The following ANKRD11 variants were observed in gnomAD, a reference collection of about 807,000 sequenced individuals.
The protein encoded by ANKRD11 is ankyrin repeat domain 11, also known as ankyrin repeat domain-containing protein 11.
In ANKRD11, 17 loss-of-function variants were observed where a neutral mutation model predicts 195.7. The observed-to-expected ratio is 0.09, with a 90% CI of 0.06 to 0.13. The LOEUF (loss-of-function observed/expected upper bound fraction) is 0.13, where lower values mean the gene tolerates loss of function less well. Ranked by LOEUF, ANKRD11 falls within the 10% of genes least tolerant of loss-of-function variation. The probability of loss-of-function intolerance (pLI) is 1.00; values close to 1 mark genes in which losing one functional copy is unlikely to be tolerated. For missense variants in ANKRD11, 3,735 were observed against 3,566.1 expected (o/e 1.05, Z -1.21); for synonymous variants, 1,953 against 1,528.1 (o/e 1.28, Z -6.49).
chr16:89,403,210 C>G (rs113984895), intron 2 of ANKRD11, among the ~76,000 whole-genome samples: 2 of 152,324 alleles, frequency 1.3e-5, no homozygotes, highest in African/African-American at 4.8e-5. Context: ...CTGATCCGCT[C>G]CCTCTCTTCT....
chr16:89,336,505 T>A (rs539805742), intron 2 of ANKRD11, among the ~76,000 whole-genome samples: 6 of 152,314 alleles, frequency 3.9e-5, no homozygotes, highest in Non-Finnish European at 7.4e-5. Context: ...TAGCAGGACA[T>A]TGCCCAGATT....
chr16:89,305,357 G>C lies in ANKRD11; in HGVS notation c.88-13C>G, dbSNP rs750091145. 1 of 1,613,864 alleles carries C rather than the reference G, an allele frequency of 6.2e-7. No homozygotes were observed. The highest frequency in any genetic ancestry group is 8.5e-7 in the Non-Finnish European group (1 of 1,179,874). On this transcript the variant is annotated splice_polypyrimidine_tract_variant and intron_variant, in intron 3 of 12. Coordinates refer to ENST00000301030, the MANE Select transcript of ANKRD11 (RefSeq NM_013275.6). ...CTTTATCTTTATCCTAGAAAAGAAA[G>C]GGATGCTTTCAGTCGTGATGTCCAA... is the stretch of plus-strand genomic sequence containing the variant.
At position 89,272,395 on chromosome 16, in the gene ANKRD11, A is replaced by G. The variant is rs368148511; in HGVS notation, c.7714-1486T>C. 8 of 152,398 alleles carry G rather than the reference A, an allele frequency of 5.2e-5. No individual in the cohort carries two copies. The East Asian group carries it at 1.5e-3, about 29-fold the overall frequency. The allele number at this position is 152,398 out of a possible 1,614,324, so 9.4% of individuals were successfully genotyped here. A position where few individuals can be genotyped will look rare whatever the true frequency, so the allele number is the denominator to read the frequency against. ...GGATCCAGCAATCCCACTGCCGGGT[A>G]TAGACCCAAAAGAAAGAAACTGGGG... On this transcript the variant is annotated intron_variant, in intron 11 of 12. Coordinates refer to ENST00000301030, the MANE Select transcript of ANKRD11 (RefSeq NM_013275.6).
chr16:89,308,216 A>G (rs1396669908), intron 3 of ANKRD11, among the ~76,000 whole-genome samples: 1 of 152,260 alleles, frequency 6.6e-6, no homozygotes, highest in Admixed American at 6.5e-5. Flanking sequence ...AATGATAGGA[A>G]TAAGAATAGA....
chr16:89,475,464 A>G (rs1300726358), intron 1 of ANKRD11, among the ~76,000 whole-genome samples: 1 of 152,208 alleles, frequency 6.6e-6, no homozygotes, highest in East Asian at 1.9e-4. Context: ...GTTTCACATG[A>G]AAATTATTCT....
At chr16:89,477,110 A>T (rs2057285165) in intron 1 of ANKRD11, among the ~76,000 whole-genome samples, 1 of 152,124 alleles carries the variant, frequency 6.6e-6, no homozygotes, top group African/African-American at 2.4e-5. Context: ...TATTTAAAAC[A>T]CGAGAGAATT....
chr16:89,320,587 C>T (rs745724413), intron 2 of ANKRD11, among the ~76,000 whole-genome samples: 3 of 152,298 alleles, frequency 2.0e-5, no homozygotes, highest in East Asian at 1.9e-4. Context: ...GTCCCAGCTT[C>T]GTGGACTGTC....
At chr16:89,274,756 G>C in intron 11 of ANKRD11, 58 bp downstream of exon 11, 5 of 1,599,758 alleles carry the variant, frequency 3.1e-6, no homozygotes, top group Non-Finnish European at 4.2e-6. Context: ...AAGGGGAGGG[G>C]AGGCGGGCAG....
chr16:89,369,693 A>G (rs1200505543), intron 2 of ANKRD11, among the ~76,000 whole-genome samples: 4 of 152,236 alleles, frequency 2.6e-5, no homozygotes, highest in African/African-American at 4.8e-5. Flanking sequence ...TGTGGGACAC[A>G]GGCATCTGCA....
At chr16:89,476,044 T>G (rs1597528139) in intron 1 of ANKRD11, among the ~76,000 whole-genome samples, 1 of 146,184 alleles carries the variant, frequency 6.8e-6, no homozygotes, top group Non-Finnish European at 1.5e-5. Flanking sequence ...AGAGCGAGAC[T>G]GTGTCTCAAA....
In ANKRD11 at chr16:89,330,665, GGGGGGGGGGGC is replaced by G. The variant is rs1363294782; in HGVS notation, c.-59-13598_-59-13588del. Among the ~76,000 whole-genome samples, 26 of 58,816 alleles carry G rather than the reference GGGGGGGGGGGC, an allele frequency of 4.4e-4. 2 individuals are homozygous for G. The South Asian group carries it at 5.9e-3, about 13-fold the overall frequency. The allele number at this position is 58,816 out of a possible 152,430, so 38.6% of individuals were successfully genotyped here. On this transcript the variant is annotated intron_variant, in intron 2 of 12. Coordinates refer to ENST00000301030, the MANE Select transcript of ANKRD11 (RefSeq NM_013275.6). Reference sequence around the variant, plus strand: ...TTCCCCAGTACAGTGACTGGGGGGGGGGGGGGGGGGCGGGGGCGGAGGAAGCTGCAGCATCT... The same window carrying G: ...TTCCCCAGTACAGTGACTGGGGGGGGGGGGGCGGAGGAAGCTGCAGCATCT...
At chr16:89,301,887 A>G (rs2035877486) in intron 4 of ANKRD11, among the ~76,000 whole-genome samples, 1 of 152,154 alleles carries the variant, frequency 6.6e-6, no homozygotes, top group South Asian at 2.1e-4. Flanking sequence ...GCGGGAAGCC[A>G]TCCCCACAGC....
At chr16:89,318,072 G>A (rs372483218) in intron 2 of ANKRD11, among the ~76,000 whole-genome samples, 58 of 152,318 alleles carry the variant, frequency 3.8e-4, no homozygotes, top group African/African-American at 1.4e-3. Flanking sequence ...CAGGCAGTTG[G>A]GGGAGGCCTT....
At chr16:89,483,450 C>T (rs193186187) in intron 1 of ANKRD11, among the ~76,000 whole-genome samples, 4 of 152,334 alleles carry the variant, frequency 2.6e-5, no homozygotes, top group Admixed American at 2.6e-4. Flanking sequence ...TGCAAGCGTG[C>T]ATCACTTTTC....
chr16:89,377,759 G>A (rs968447311), intron 2 of ANKRD11, among the ~76,000 whole-genome samples: 4 of 152,112 alleles, frequency 2.6e-5, no homozygotes, highest in Non-Finnish European at 5.9e-5. Context: ...AACAGTGAGG[G>A]AGGACTGTGA....
At chr16:89,287,845 A>G in intron 7 of ANKRD11, 1 of 255,594 alleles carries the variant, frequency 3.9e-6, no homozygotes, top group South Asian at 1.3e-4. Context: ...GGCTTGCTGC[A>G]GAGGAGCACG....
intron 2 of ANKRD11, among the ~76,000 whole-genome samples, chr16:89,399,580 C>T (rs987099435): frequency 6.6e-6 from 1 of 152,222 alleles, no homozygotes; most frequent in African/African-American, 2.4e-5. Context: ...GATACCACAA[C>T]GGTGGGTCCA....
At chr16:89,402,914 G>A (rs1007003552) in intron 2 of ANKRD11, among the ~76,000 whole-genome samples, 13 of 152,234 alleles carry the variant, frequency 8.5e-5, no homozygotes, top group Admixed American at 5.2e-4. Context: ...CCAGCACTGC[G>A]CCACTCCCAA....
chr16:89,381,352 A>G (rs140126209), intron 2 of ANKRD11, among the ~76,000 whole-genome samples: 7,196 of 55,760 alleles, frequency 0.13, 356 homozygotes, highest in Middle Eastern at 0.19. Context: ...AAAAAAAAAA[A>G]AAGGGGTGAG....
Sources: gnomAD v4.1 joint callset for allele counts (sites outside exome capture counted in the v4.1 genomes callset) on GRCh38, gnomAD v4.1.1 for gene constraint, MANE v1.5 for transcripts, NCBI Gene and HGNC (gene_info 2026-07-23, HGNC 2026-07-21) for gene names.